Variants in WDR72 observed in about 807,000 individuals in gnomAD.
The protein encoded by WDR72 is WD repeat-containing protein 72.
In WDR72, 120 loss-of-function variants were observed where a neutral mutation model predicts 124.2. That is an observed-to-expected ratio of 0.97 (90% CI 0.83 to 1.12). The LOEUF (loss-of-function observed/expected upper bound fraction) is 1.12, where lower values mean the gene tolerates loss of function less well. WDR72 is among the 50% of genes most tolerant of loss of function. The pLI, the probability that WDR72 is intolerant of heterozygous loss-of-function variation, is 0.00. For synonymous variants in WDR72, 452 were observed against 441.7 expected (o/e 1.02, Z -0.29); for missense variants, 1,387 against 1,278.8 (o/e 1.08, Z -1.29).
At chr15:53,546,876 T>G (rs905572538) in intron 18 of WDR72, among the ~76,000 whole-genome samples, 3 of 152,266 alleles carry the variant, frequency 2.0e-5, no homozygotes, top group Admixed American at 6.5e-5. Flanking sequence ...TCTATACAAA[T>G]TAGTTTGAAA....
At chr15:53,537,680 A>G (rs1892833777) in intron 18 of WDR72, among the ~76,000 whole-genome samples, 1 of 152,194 alleles carries the variant, frequency 6.6e-6, no homozygotes, top group Non-Finnish European at 1.5e-5. Context: ...AGTCTAAGTA[A>G]ATTCAGTATT....
At chr15:53,701,799 AAAG>A (rs1223750979) in intron 12 of WDR72, among the ~76,000 whole-genome samples, 1 of 152,138 alleles carries the variant, frequency 6.6e-6, no homozygotes, top group Non-Finnish European at 1.5e-5. Flanking sequence ...TTTTTAAAAA[AAAG>A]ATAATTCCAT....
At chr15:53,560,225 A>G (rs1324800819) in intron 18 of WDR72, among the ~76,000 whole-genome samples, 1 of 151,928 alleles carries the variant, frequency 6.6e-6, no homozygotes, top group Non-Finnish European at 1.5e-5. Context: ...GTGCTCTCTG[A>G]CCAGAGATGA....
At chr15:53,687,336 GA>G (rs2140494860) in intron 13 of WDR72, among the ~76,000 whole-genome samples, 1 of 150,576 alleles carries the variant, frequency 6.6e-6, no homozygotes, top group South Asian at 2.1e-4. Flanking sequence ...AAGAAAAAAA[GA>G]GAGAAGAATC....
At chr15:53,580,236 A>G (rs946978361) in intron 18 of WDR72, among the ~76,000 whole-genome samples, 1 of 152,282 alleles carries the variant, frequency 6.6e-6, no homozygotes, top group African/African-American at 2.4e-5. Context: ...ATTTAAGCCT[A>G]AAATCTAAAA....
At chr15:53,756,489 C>A (rs1457196401) in intron 1 of WDR72, among the ~76,000 whole-genome samples, 1 of 152,148 alleles carries the variant, frequency 6.6e-6, no homozygotes, top group Admixed American at 6.5e-5. Flanking sequence ...TGTCAATTAA[C>A]CAAAAGGTTG....
intron 18 of WDR72, among the ~76,000 whole-genome samples, chr15:53,567,885 A>T (rs1236978378): frequency 6.6e-6 from 1 of 151,622 alleles, no homozygotes; most frequent in African/African-American, 2.4e-5. Flanking sequence ...AACAGATAAA[A>T]AACAAATAAT....
chr15:53,694,923 T>G (rs1480875635), intron 13 of WDR72, among the ~76,000 whole-genome samples: 2 of 152,190 alleles, frequency 1.3e-5, no homozygotes, highest in Non-Finnish European at 2.9e-5. Context: ...CTGCTGCCTG[T>G]TGTTGTAAGT....
chr15:53,540,991 T>G (rs1191485138), intron 18 of WDR72: 1 of 159,302 alleles, frequency 6.3e-6, no homozygotes, highest in Non-Finnish European at 1.4e-5. Context: ...CGGAGGGTCC[T>G]ACGCCCACGG....
chr15:53,744,566 A>G (rs1040080030), intron 1 of WDR72, among the ~76,000 whole-genome samples: 1 of 152,194 alleles, frequency 6.6e-6, no homozygotes, highest in Non-Finnish European at 1.5e-5. Context: ...TAACTTCCCA[A>G]TCACCTCCTA....
intron 13 of WDR72, among the ~76,000 whole-genome samples, chr15:53,692,004 C>G (rs992143564): frequency 2.0e-5 from 3 of 152,132 alleles, no homozygotes; most frequent in Non-Finnish European, 4.4e-5. Context: ...AGAAATAGAA[C>G]AGTGAACCAC....
intron 14 of WDR72, among the ~76,000 whole-genome samples, chr15:53,630,785 G>C (rs763082680): frequency 6.6e-6 from 1 of 152,086 alleles, no homozygotes; most frequent in African/African-American, 2.4e-5. Flanking sequence ...TGCTTTCCTC[G>C]TAAGGTCAGG....
chr15:53,519,729 G>A (rs1566938048), intron 19 of WDR72, among the ~76,000 whole-genome samples: 1 of 151,992 alleles, frequency 6.6e-6, no homozygotes, highest in Non-Finnish European at 1.5e-5. Flanking sequence ...TATACAGCTT[G>A]AACCCATAAA....
rs537650699 is a variant in WDR72, at chr15:53,533,610, A to G, written c.3149-10288T>C. 5.4e-4 allele frequency among the ~76,000 whole-genome samples: 82 copies of G among 152,232 alleles called. 1 individual carries two copies. In the South Asian group the frequency reaches 0.016, roughly 30 times the overall value. On this transcript the variant is annotated intron_variant, in intron 18 of 19. Transcript: ENST00000360509. The stretch of plus-strand genomic sequence containing the variant: ...TCACAGCCTTTTGCAATATAATCTC[A>G]ACTCGCATTTAGCGATTTCTCACTA...
chr15:53,607,485 C>G (rs2013337659), intron 17 of WDR72, among the ~76,000 whole-genome samples: 1 of 152,082 alleles, frequency 6.6e-6, no homozygotes, highest in South Asian at 2.1e-4. Context: ...TGAAACTAGA[C>G]CCCTATCTCT....
At chr15:53,742,581 T>C (rs942334894) in intron 1 of WDR72, among the ~76,000 whole-genome samples, 1 of 152,100 alleles carries the variant, frequency 6.6e-6, no homozygotes, top group Non-Finnish European at 1.5e-5. Flanking sequence ...TCAAAATAAA[T>C]ACTTTCACTG....
chr15:53,535,266 G>C (rs1437850602), intron 18 of WDR72, among the ~76,000 whole-genome samples: 2 of 151,994 alleles, frequency 1.3e-5, no homozygotes, highest in Non-Finnish European at 2.9e-5. Context: ...CCTTTCCAGG[G>C]CACCGTTAAG....
At chr15:53,597,766 A>G (rs1329213156) in intron 17 of WDR72, among the ~76,000 whole-genome samples, 1 of 152,198 alleles carries the variant, frequency 6.6e-6, no homozygotes, top group Non-Finnish European at 1.5e-5. Flanking sequence ...ACTTTTGTGT[A>G]TACCTATGTG....
At chr15:53,724,886 C>A (rs747192068) in intron 2 of WDR72, among the ~76,000 whole-genome samples, 49 of 152,156 alleles carry the variant, frequency 3.2e-4, no homozygotes, top group Non-Finnish European at 5.3e-4. Context: ...AAATATCAGA[C>A]CAGTTACCAT....
Sources: gnomAD v4.1 joint callset for allele counts (sites outside exome capture counted in the v4.1 genomes callset) on GRCh38, gnomAD v4.1.1 for gene constraint, MANE v1.5 for transcripts, NCBI Gene and HGNC (gene_info 2026-07-23, HGNC 2026-07-21) for gene names.